Variants in MED12L observed in about 807,000 individuals in gnomAD.
MED12L encodes mediator of RNA polymerase II transcription subunit 12-like protein.
In MED12L, 60 loss-of-function variants were observed where a neutral mutation model predicts 281.3. The observed-to-expected ratio is 0.21, with a 90% confidence interval of 0.17 to 0.26. The LOEUF is 0.26. MED12L is among the 10% of genes least tolerant of loss of function. MED12L has a pLI of 1.00. For synonymous variants in MED12L, 974 were observed against 987.2 expected, an observed-to-expected ratio of 0.99 and a Z score of 0.25; for missense variants, 2,146 against 2,680.9, an observed-to-expected ratio of 0.80 and a Z score of 4.41.
intron 43 of MED12L, among the ~76,000 whole-genome samples, chr3:151,430,010 T>C (rs554177202): frequency 4.6e-5 from 7 of 152,304 alleles, no homozygotes; most frequent in African/African-American, 1.7e-4. Context: ...ACCAGGATCT[T>C]TGAGCTGCTG....
intron 16 of MED12L, among the ~76,000 whole-genome samples, chr3:151,321,115 G>T (rs1748949402): frequency 6.6e-6 from 1 of 152,190 alleles, no homozygotes; most frequent in African/African-American, 2.4e-5. Flanking sequence ...GGAATGATAT[G>T]CCTCAGCTTA....
intron 37 of MED12L, among the ~76,000 whole-genome samples, chr3:151,389,767 A>G (rs568402829): frequency 1.4e-4 from 21 of 152,288 alleles, no homozygotes; most frequent in Middle Eastern, 6.8e-3. Context: ...GCCCACTGCA[A>G]GCCAAGCACT....
chr3:151,240,438 C>T (rs984373646), intron 16 of MED12L, among the ~76,000 whole-genome samples: 2 of 152,184 alleles, frequency 1.3e-5, no homozygotes, highest in African/African-American at 4.8e-5. Flanking sequence ...ATAGCTGCTG[C>T]GTGCCAGGTA....
In MED12L at chr3:151,193,563, G is replaced by T. The variant is rs772438632; in HGVS notation, c.2147G>T (p.Cys716Phe). The T allele has an allele frequency of 1.5e-5, 25 of 1,613,932 alleles. No homozygotes were observed. Among genetic ancestry groups the T allele is most frequent in the African/African-American group, 1.3e-4 (10 of 74,926 alleles). The change falls in exon 16 of 45, where the codon TGT becomes TTT. Residue 716 changes from cysteine to phenylalanine, a missense_variant. Cys to Phe is a radical substitution (Grantham distance 205, BLOSUM62 -2). This residue lies in a region of MED12L where 722 missense variants were observed against 861.2 expected (regional missense o/e 0.84). Coordinates refer to ENST00000687756, the MANE Select transcript of MED12L (RefSeq NM_001393769.1). ...TTGGGCAGAAGAATGTCAGTTAATT[G>T]TGAGAAGTTGGTGAAGAGGGAAAAG... ...TSLGRRMSVN[C>F]EKLVKREKPR...
chr3:151,307,717 G>C (rs1553774786), intron 16 of MED12L, among the ~76,000 whole-genome samples: 2 of 152,062 alleles, frequency 1.3e-5, no homozygotes, highest in Non-Finnish European at 2.9e-5. Flanking sequence ...AACTGAGCAG[G>C]ATTCAACAAC....
intron 3 of MED12L, 38 bp from the exon 4 acceptor site, chr3:151,122,744 AT>A (rs1713946153): frequency 6.8e-7 from 1 of 1,462,414 alleles, no homozygotes; most frequent in South Asian, 1.3e-5. Flanking sequence ...CTACTTGCTT[AT>A]TGTCTTAACT....
intron 16 of MED12L, among the ~76,000 whole-genome samples, chr3:151,320,646 G>T (rs1216967299): frequency 6.6e-6 from 1 of 152,172 alleles, no homozygotes; most frequent in African/African-American, 2.4e-5. Context: ...TCTGGTATGA[G>T]AACTTCATTT....
intron 5 of MED12L, among the ~76,000 whole-genome samples, chr3:151,146,716 A>G (rs1717806043): frequency 6.6e-6 from 1 of 152,198 alleles, no homozygotes; most frequent in Non-Finnish European, 1.5e-5. Context: ...TCTACAGGTA[A>G]TTCTGTTAGA....
chr3:151,144,830 A>C (rs1016847117), intron 5 of MED12L, among the ~76,000 whole-genome samples: 1 of 151,990 alleles, frequency 6.6e-6, no homozygotes, highest in African/African-American at 2.4e-5. Context: ...TCCCTCAGTG[A>C]CCTATTCACT....
chr3:151,318,424 T>C (rs1303163215), intron 16 of MED12L, among the ~76,000 whole-genome samples: 2 of 152,078 alleles, frequency 1.3e-5, no homozygotes, highest in Non-Finnish European at 2.9e-5. Context: ...ATGCAGACTT[T>C]AGTTTGGGAG....
chr3:151,396,312 G>A (rs1714959602), intron 39 of MED12L, among the ~76,000 whole-genome samples: 1 of 152,156 alleles, frequency 6.6e-6, no homozygotes, highest in Non-Finnish European at 1.5e-5. Context: ...CCACTAGAAT[G>A]AATTTAGCCC....
chr3:151,127,869 T>C lies in MED12L; in HGVS notation c.441T>C (p.Ala147=). 1 of 1,613,306 alleles carries C rather than the reference T, an allele frequency of 6.2e-7. No individual in the cohort carries two copies. Among genetic ancestry groups the C allele is most frequent in the Non-Finnish European group, 8.5e-7 (1 of 1,179,276 alleles). ...AAGAGGATGTTTTTGCATATTTAGC[T>C]AAATATTCTGTGCCAATGGTTCGAG... is the stretch of plus-strand genomic sequence containing the variant. ...SKKEDVFAYL[A]KYSVPMVRAT... is the part of the protein sequence containing the mutation. The change falls in exon 5 of 45, where the codon GCT becomes GCC. Residue 147 remains alanine, a synonymous_variant. Coordinates refer to ENST00000687756, the MANE Select transcript of MED12L (RefSeq NM_001393769.1).
At chr3:151,101,053 T>C (rs965997644) in intron 2 of MED12L, among the ~76,000 whole-genome samples, 8 of 152,240 alleles carry the variant, frequency 5.3e-5, no homozygotes, top group African/African-American at 1.9e-4. Flanking sequence ...CAAATTGCTG[T>C]AAAAGTTTTC....
At chr3:151,382,288 C>T (rs892069401) in intron 32 of MED12L, among the ~76,000 whole-genome samples, 3 of 152,132 alleles carry the variant, frequency 2.0e-5, no homozygotes, top group Admixed American at 6.6e-5. Context: ...AGAAATATAA[C>T]AGGACTGAGG....
intron 2 of MED12L, among the ~76,000 whole-genome samples, chr3:151,104,804 C>A (rs1239518357): frequency 6.6e-6 from 1 of 152,200 alleles, no homozygotes; most frequent in Non-Finnish European, 1.5e-5. Flanking sequence ...TTTGCCTCCT[C>A]CAGCTTCTGC....
At position 151,140,393 on chromosome 3, in the gene MED12L, A is replaced by G. The variant is rs1051831291; in HGVS notation, c.556+12409A>G. 2.0e-5 allele frequency among the ~76,000 whole-genome samples: 3 copies of G among 151,800 alleles called. No individual in the cohort carries two copies. The South Asian group carries it at 6.2e-4, about 32-fold the overall frequency. On this transcript the variant is annotated intron_variant, in intron 5 of 44. Coordinates refer to ENST00000687756, the MANE Select transcript of MED12L (RefSeq NM_001393769.1). ...CAAAACTGAAACTGCCCATTGAACA[A>G]CTCCCCTTTCTCCCCCTCCACCAGC...
At chr3:151,319,940 C>T (rs756366612) in intron 16 of MED12L, among the ~76,000 whole-genome samples, 8 of 152,078 alleles carry the variant, frequency 5.3e-5, no homozygotes, top group Admixed American at 2.0e-4. Flanking sequence ...GTCACATCTT[C>T]GAAGGAATTA....
chr3:151,239,315 A>C (rs928727926), intron 16 of MED12L, among the ~76,000 whole-genome samples: 1 of 152,238 alleles, frequency 6.6e-6, no homozygotes, highest in Admixed American at 6.5e-5. Context: ...TATTGCAATC[A>C]TGCTTTAAAA....
chr3:151,369,337 C>T, intron 25 of MED12L, 99 bp from the exon 26 acceptor site: 1 of 702,744 alleles, frequency 1.4e-6, no homozygotes. Flanking sequence ...GGCAATTAAG[C>T]ACCCACAGTC....
Sources: gnomAD v4.1 joint callset for allele counts (sites outside exome capture counted in the v4.1 genomes callset) on GRCh38, gnomAD v4.1.1 for gene constraint, gnomAD v4.1.1 regional missense constraint, MANE v1.5 for transcripts, NCBI Gene and HGNC (gene_info 2026-07-23, HGNC 2026-07-21) for gene names.